The following SLC16A10 variants were observed in gnomAD, a reference collection of about 807,000 sequenced individuals.
The protein encoded by SLC16A10 is solute carrier family 16 member 10, also known as monocarboxylate transporter 10.
SLC16A10 carries 27 observed loss-of-function variants against 40.0 expected under a neutral mutation model. That is an observed-to-expected ratio of 0.67 (90% CI 0.50 to 0.93). The LOEUF is 0.93. Among genes scored for constraint, SLC16A10 ranks in the 40% least tolerant of loss-of-function variants. The pLI is 0.00. For synonymous variants in SLC16A10, 213 were observed against 249.8 expected, an observed-to-expected ratio of 0.85 and a Z score of 1.39; for missense variants, 529 against 658.2, an observed-to-expected ratio of 0.80 and a Z score of 2.15.
Position 111,206,451 on chromosome 6 carries a change from A to G in SLC16A10, c.943-141A>G. On this transcript the variant is annotated intron_variant, in intron 3 of 5. Coordinates refer to ENST00000368851, the MANE Select transcript of SLC16A10 (RefSeq NM_018593.5). ...ATGTTTTCATGAAAATTATCACAGG[A>G]CAAGTTTCATAAATATTGAAATTTG... 3 of 814,836 alleles carry G rather than the reference A, an allele frequency of 3.7e-6. 1 individual carries two copies. The South Asian group carries it at 5.2e-5, about 14-fold the overall frequency. The allele number at this position is 814,836 out of a possible 1,614,324, so 50.5% of individuals were successfully genotyped here.
In SLC16A10 at chr6:111,224,896, A is replaced by T. The variant is rs1233472802; in HGVS notation, c.*2661A>T. 6.6e-6 allele frequency: 1 copy of T among 152,232 alleles called. No individual in the cohort carries two copies. The highest frequency in any genetic ancestry group is 1.9e-4 in the East Asian group (1 of 5,192). The allele number at this position is 152,232 out of a possible 1,614,324, so 9.4% of individuals were successfully genotyped here. A position where few individuals can be genotyped will look rare whatever the true frequency, so the allele number is the denominator to read the frequency against. On this transcript the variant is annotated 3_prime_UTR_variant, in exon 6 of 6. Transcript: ENST00000368851. ...TTCTGAGAGTCTGAAAAGAATACAG[A>T]GTCAGAACTCTGTTTTTATCTCCTC...
chr6:111,156,578 G>A (rs533296377), intron 1 of SLC16A10, among the ~76,000 whole-genome samples: 1 of 152,274 alleles, frequency 6.6e-6, no homozygotes, highest in African/African-American at 2.4e-5. Context: ...TTCCTGAAAA[G>A]TACTCCTCAA....
chr6:111,089,927 T>G (rs1042974474), intron 1 of SLC16A10, among the ~76,000 whole-genome samples: 36 of 117,844 alleles, frequency 3.1e-4, no homozygotes, highest in Admixed American at 7.6e-4. Context: ...TTTTTTTTTT[T>G]TTTTTTTTTT....
At chr6:111,139,092 C>CTTCTTTTTTTTTTTT (rs202229156) in intron 1 of SLC16A10, among the ~76,000 whole-genome samples, 2 of 118,894 alleles carry the variant, frequency 1.7e-5, no homozygotes, top group Non-Finnish European at 3.3e-5. Flanking sequence ...TCTTCTTCTT[C>CTTCTTTTTTTTTTTT]TTTTTTTTTT....
chr6:111,177,848 GAGTA>G (rs1772715207), intron 3 of SLC16A10, 183 bp downstream of exon 3: 1 of 552,982 alleles, frequency 1.8e-6, no homozygotes. Flanking sequence ...TAAACAGAGA[GAGTA>G]TGTTTCATAG....
intron 1 of SLC16A10, among the ~76,000 whole-genome samples, chr6:111,149,441 C>T (rs1772135089): frequency 6.6e-6 from 1 of 152,168 alleles, no homozygotes; most frequent in South Asian, 2.1e-4. Context: ...AAGTCTTGTT[C>T]ATCATAATGG....
At chr6:111,215,144 G>T (rs76216004) in intron 4 of SLC16A10, among the ~76,000 whole-genome samples, 4,509 of 151,952 alleles carry the variant, frequency 0.03, 162 homozygotes, top group African/African-American at 0.087. Context: ...ATAAAAAAAA[G>T]AAATATTATG....
intron 1 of SLC16A10, among the ~76,000 whole-genome samples, chr6:111,129,078 T>C (rs1771736521): frequency 1.3e-5 from 2 of 152,244 alleles, no homozygotes; most frequent in African/African-American, 4.8e-5. Context: ...GTTTTAAAGT[T>C]AGGCAGTAAG....
chr6:111,096,553 G>A (rs897671508), intron 1 of SLC16A10, among the ~76,000 whole-genome samples: 1 of 152,194 alleles, frequency 6.6e-6, no homozygotes, highest in South Asian at 2.1e-4. Context: ...GCTTTCAAAT[G>A]TACATGCCAA....
At chr6:111,108,233 T>C (rs1383808825) in intron 1 of SLC16A10, among the ~76,000 whole-genome samples, 3 of 152,168 alleles carry the variant, frequency 2.0e-5, no homozygotes, top group Non-Finnish European at 4.4e-5. Context: ...TTGACCAGGC[T>C]GGTCTTGAAT....
At chr6:111,133,741 G>A (rs1033982785) in intron 1 of SLC16A10, among the ~76,000 whole-genome samples, 2 of 151,794 alleles carry the variant, frequency 1.3e-5, no homozygotes, top group African/African-American at 2.4e-5. Flanking sequence ...AACTAATAAG[G>A]ACCCCCCTTT....
chr6:111,147,176 C>G (rs1246778636), intron 1 of SLC16A10, among the ~76,000 whole-genome samples: 2 of 151,966 alleles, frequency 1.3e-5, no homozygotes. Flanking sequence ...TGAATTGTAT[C>G]TTTTAAAAAG....
Position 111,087,696 on chromosome 6 carries a change from C to A in SLC16A10, c.-57C>A, listed in dbSNP as rs1770891553. On this transcript the variant is annotated 5_prime_UTR_variant, in exon 1 of 6. Transcript: ENST00000368851. ...GAGCCCCGCAGCTCCTCCGGGAGCCCGCTGGTAACTCGCGTCCCTCGCGCT... is the reference window on the plus strand; with the variant it reads ...GAGCCCCGCAGCTCCTCCGGGAGCCAGCTGGTAACTCGCGTCCCTCGCGCT... 6 of 1,023,360 alleles carry A rather than the reference C, an allele frequency of 5.9e-6. No individual in the cohort carries two copies. The Admixed American group carries it at 1.4e-4, about 23-fold the overall frequency. 63.4% of individuals were successfully genotyped at this position (1,023,360 alleles called of 1,614,324 possible).
At chr6:111,210,890 G>T (rs972790283) in intron 4 of SLC16A10, among the ~76,000 whole-genome samples, 3 of 152,054 alleles carry the variant, frequency 2.0e-5, no homozygotes, top group Non-Finnish European at 4.4e-5. Flanking sequence ...AGGCTTGGTG[G>T]CACGCGTCTG....
At chr6:111,170,106 C>T (rs1053848738) in intron 1 of SLC16A10, among the ~76,000 whole-genome samples, 1 of 151,656 alleles carries the variant, frequency 6.6e-6, no homozygotes, top group South Asian at 2.1e-4. Context: ...TTAGTAGAGA[C>T]GAGGTGTCTC....
intron 1 of SLC16A10, 124 bp from the exon 2 acceptor site, chr6:111,172,571 C>T: frequency 8.6e-7 from 1 of 1,164,218 alleles, no homozygotes; most frequent in Non-Finnish European, 1.2e-6. Flanking sequence ...AAGAACTAAG[C>T]TTAGGCACTA....
chr6:111,217,146 G>A (rs1314885956), intron 4 of SLC16A10, among the ~76,000 whole-genome samples: 1 of 152,240 alleles, frequency 6.6e-6, no homozygotes, highest in Non-Finnish European at 1.5e-5. Flanking sequence ...TCTGTTCACA[G>A]CCTGCTGCTG....
intron 1 of SLC16A10, among the ~76,000 whole-genome samples, chr6:111,132,491 CA>C (rs1409202278): frequency 1.3e-5 from 2 of 152,156 alleles, no homozygotes; most frequent in East Asian, 3.9e-4. Context: ...GTGGATGGGC[CA>C]AAGGCATTCA....
chr6:111,221,623 G>A (rs1225527573), intron 5 of SLC16A10, among the ~76,000 whole-genome samples: 1 of 151,802 alleles, frequency 6.6e-6, no homozygotes, highest in African/African-American at 2.4e-5. Context: ...GCATGCACCT[G>A]TAGTCCCAGC....
Sources: gnomAD v4.1 joint callset for allele counts (sites outside exome capture counted in the v4.1 genomes callset) on GRCh38, gnomAD v4.1.1 for gene constraint, MANE v1.5 for transcripts, NCBI Gene and HGNC (gene_info 2026-07-23, HGNC 2026-07-21) for gene names.